The following GLB1 variants were observed in gnomAD, a reference collection of about 807,000 sequenced individuals.
GLB1 encodes galactosidase beta 1.
In GLB1, 56 loss-of-function variants were observed where a neutral mutation model predicts 74.0. The ratio of observed to expected loss-of-function variants is 0.76; its 90% CI spans 0.61 to 0.94. GLB1 has a LOEUF of 0.94. GLB1 is among the 40% of genes least tolerant of loss of function. The pLI is 0.00. For synonymous variants in GLB1, 323 were observed against 323.6 expected (o/e 1.00, Z 0.02); for missense variants, 787 against 845.5 (o/e 0.93, Z 0.86).
chr3:33,093,391 G>A lies in GLB1; in HGVS notation c.75+3620C>T, dbSNP rs1340067295. 3 of 1,614,202 alleles carry A rather than the reference G, an allele frequency of 1.9e-6. No homozygotes were observed. Among genetic ancestry groups the A allele is most frequent in the East Asian group, 2.2e-5 (1 of 44,882 alleles). Reference sequence around the variant, plus strand: ...TTGCCTGTGACGAAGTAGGCACCGAGATGTGAATGAAGCTGGCCCAGAGGA... The same window carrying A: ...TTGCCTGTGACGAAGTAGGCACCGAAATGTGAATGAAGCTGGCCCAGAGGA... On this transcript the variant is annotated intron_variant, in intron 1 of 15. Transcript: ENST00000307363. The surrounding 1 kb of genome is among the most constrained non-coding windows in gnomAD (Gnocchi z 6.0).
chr3:33,016,851 C>G lies in GLB1; in HGVS notation c.1348-11G>C, dbSNP rs756059173. 4 of 1,613,596 alleles carry G rather than the reference C, an allele frequency of 2.5e-6. No homozygotes were observed. In the South Asian group the frequency reaches 4.4e-5, roughly 18 times the overall value. ...GACTCCCTGGGGGATCTGTGGGGTT[C>G]AAGACCAAATGACAATTGAATTGAG... On this transcript the variant is annotated splice_polypyrimidine_tract_variant and intron_variant, in intron 13 of 15. Coordinates refer to ENST00000307363, the MANE Select transcript of GLB1 (RefSeq NM_000404.4).
At chr3:33,035,567 G>C (rs1426287227) in intron 10 of GLB1, among the ~76,000 whole-genome samples, 1 of 152,166 alleles carries the variant, frequency 6.6e-6, no homozygotes. Context: ...ACTTTGAGAT[G>C]GGGTTAGTGC....
chr3:33,035,061 A>T (rs947319105), intron 10 of GLB1, among the ~76,000 whole-genome samples: 4 of 152,144 alleles, frequency 2.6e-5, no homozygotes, highest in African/African-American at 4.8e-5. Context: ...ATTGCTTATT[A>T]AAAAAATAAA....
chr3:33,031,333 C>CT (rs752960585), intron 10 of GLB1, among the ~76,000 whole-genome samples: 1 of 151,934 alleles, frequency 6.6e-6, no homozygotes, highest in Non-Finnish European at 1.5e-5. Context: ...AATGGAATGT[C>CT]TACAAAGTCT....
At chr3:33,096,728 A>G (rs1701046497) in intron 1 of GLB1, 2 of 1,272,432 alleles carry the variant, frequency 1.6e-6, no homozygotes, top group South Asian at 2.2e-5. Context: ...CCTCGTCTCA[A>G]CACCTCGTTA....
chr3:32,996,739 C>T lies in GLB1; in HGVS notation c.*306G>A. The T allele has an allele frequency of 2.5e-6, 1 of 392,632 alleles. No individual in the cohort carries two copies. Among genetic ancestry groups the T allele is most frequent in the South Asian group, 2.4e-5 (1 of 42,518 alleles). 24.3% of individuals were successfully genotyped at this position (392,632 alleles called of 1,614,324 possible). ...AAACAGTGACATCATCATTTGAGTA[C>T]AAATTTTATTTAACAAAAAGGTAAC... On this transcript the variant is annotated 3_prime_UTR_variant, in exon 16 of 16. Transcript: ENST00000307363.
chr3:33,077,173 T>G (rs1272827726), intron 1 of GLB1: 2 of 1,464,772 alleles, frequency 1.4e-6, no homozygotes. Flanking sequence ...ACCTCTTTTG[T>G]GAAGCGGCAG....
intron 1 of GLB1, among the ~76,000 whole-genome samples, chr3:33,074,232 C>T (rs138243820): frequency 4.0e-4 from 60 of 149,786 alleles, no homozygotes; most frequent in Non-Finnish European, 6.8e-4. Context: ...ATCCCTGGAA[C>T]CGGAGAGGTG....
the GLB1 span, among the ~76,000 whole-genome samples, chr3:32,966,561 C>T: frequency 6.6e-6 from 1 of 152,116 alleles, no homozygotes; most frequent in Non-Finnish European, 1.5e-5. Context: ...TGGACTTTTG[C>T]ATTAATGATG....
At chr3:33,096,641 A>G in intron 1 of GLB1, 1 of 1,087,842 alleles carries the variant, frequency 9.2e-7, no homozygotes, top group Non-Finnish European at 1.1e-6. Flanking sequence ...GCCCCAAACC[A>G]GAGCCGGAGG....
In GLB1 at chr3:32,996,774, C is replaced by A; in HGVS notation, c.*271G>T. 2.1e-6 allele frequency: 1 copy of A among 482,348 alleles called. No individual in the cohort carries two copies. Among genetic ancestry groups the A allele is most frequent in the African/African-American group, 1.9e-5 (1 of 51,456 alleles). 29.9% of individuals were successfully genotyped at this position (482,348 alleles called of 1,614,324 possible). ...TTAACAAAAAGGTAACATGATTCTT[C>A]CAAAATAAAAATCACTACCACCTTT... On this transcript the variant is annotated 3_prime_UTR_variant, in exon 16 of 16. Coordinates refer to ENST00000307363, the MANE Select transcript of GLB1 (RefSeq NM_000404.4).
At position 33,097,095 on chromosome 3, in the gene GLB1, C is replaced by A; in HGVS notation, c.-10G>T. On this transcript the variant is annotated 5_prime_UTR_variant, in exon 1 of 16. Coordinates refer to ENST00000307363, the MANE Select transcript of GLB1 (RefSeq NM_000404.4). ...CCAGGAACCCCGGCATGACCACCAG[C>A]CTCCCGGCTCTGCAGTCGGCGCCCA... 6.2e-7 allele frequency: 1 copy of A among 1,612,136 alleles called. No individual in the cohort carries two copies. The highest frequency in any genetic ancestry group is 1.1e-5 in the South Asian group (1 of 90,858).
rs368099787 is a variant in GLB1 at position 33,078,977 on chromosome 3, T to C, written c.76-6264A>G. 3.3e-5 allele frequency among the ~76,000 whole-genome samples: 5 copies of C among 152,200 alleles called. No individual in the cohort carries two copies. The East Asian group carries it at 7.7e-4, about 23-fold the overall frequency. The stretch of plus-strand genomic sequence containing the variant: ...TCCTGCTTCAGCAAACTATGGCATA[T>C]GTATATGATAGACTACTACTCAGCA... On this transcript the variant is annotated intron_variant, in intron 1 of 15. Coordinates refer to ENST00000307363, the MANE Select transcript of GLB1 (RefSeq NM_000404.4).
In GLB1 at chr3:33,022,564, A is replaced by ATTTTTTTTTTTTT. The variant is rs61013692; in HGVS notation, c.1144-922_1144-910dup. Among the ~76,000 whole-genome samples the ATTTTTTTTTTTTT allele has an allele frequency of 2.3e-3, 149 of 63,760 alleles. 34 individuals are homozygous for ATTTTTTTTTTTTT. Among genetic ancestry groups the ATTTTTTTTTTTTT allele is most frequent in the East Asian group, 7.6e-3 (13 of 1,720 alleles). The allele number at this position is 63,760 out of a possible 152,430, so 41.8% of individuals were successfully genotyped here. On this transcript the variant is annotated intron_variant, in intron 11 of 15. Transcript: ENST00000307363. Reference sequence around the variant, plus strand: ...TTCCATGACTATAATACTGGTTAGGATTTTTTTTTTTTTTTTTTTGAGAGA... The same window carrying ATTTTTTTTTTTTT: ...TTCCATGACTATAATACTGGTTAGGATTTTTTTTTTTTTTTTTTTTTTTTTTTTTTTTGAGAGA...
chr3:32,994,989 G>A (rs1377249172), downstream of GLB1, among the ~76,000 whole-genome samples: 1 of 151,524 alleles, frequency 6.6e-6, no homozygotes, highest in Non-Finnish European at 1.5e-5. Context: ...GCAGAGTGCT[G>A]TAGGTGGGAA....
chr3:33,004,225 C>T (rs1012446219), intron 15 of GLB1, among the ~76,000 whole-genome samples: 6 of 152,222 alleles, frequency 3.9e-5, no homozygotes, highest in Admixed American at 2.6e-4. Context: ...CAAGCCTAGG[C>T]TAGCTTGCTG....
intron 1 of GLB1, among the ~76,000 whole-genome samples, chr3:33,085,274 CAAA>C (rs772490092): frequency 1.5e-4 from 11 of 74,128 alleles, no homozygotes; most frequent in African/African-American, 4.1e-4. Context: ...GAGTCTGTTT[CAAA>C]AAAAAAAAAA....
intron 5 of GLB1, chr3:33,061,799 C>G (rs1699454936): frequency 6.6e-6 from 1 of 152,156 alleles, no homozygotes; most frequent in Non-Finnish European, 1.5e-5. Context: ...ATGGCTTTAG[C>G]TTTTTCAGGT....
chr3:33,027,082 G>C (rs1697796540), intron 10 of GLB1, among the ~76,000 whole-genome samples: 1 of 152,232 alleles, frequency 6.6e-6, no homozygotes, highest in African/African-American at 2.4e-5. Context: ...CCTTTGGGGA[G>C]CCCAGACCTG....
Sources: allele counts gnomAD v4.1 joint callset (sites outside exome capture counted in the v4.1 genomes callset), GRCh38; gene constraint gnomAD v4.1.1; non-coding constraint Gnocchi (gnomAD v3.1); transcripts MANE v1.5; gene names NCBI Gene and HGNC (gene_info 2026-07-23, HGNC 2026-07-21).